Variants in SHPRH observed in about 807,000 individuals in gnomAD.
The protein encoded by SHPRH is SNF2 histone linker PHD RING helicase.
A neutral mutation model predicts 202.5 loss-of-function variants in SHPRH; 106 were observed. That is an observed-to-expected ratio of 0.52 (90% CI 0.45 to 0.62). The LOEUF (loss-of-function observed/expected upper bound fraction) is 0.62, where lower values mean the gene tolerates loss of function less well. SHPRH is among the 20% of genes least tolerant of loss of function. The pLI is 0.00. For synonymous variants in SHPRH, 729 were observed against 686.0 expected, an observed-to-expected ratio of 1.06 and a Z score of -0.98; for missense variants, 1,710 against 2,020.0, an observed-to-expected ratio of 0.85 and a Z score of 2.94.
At chr6:145,924,244 T>A (rs1017805276) in intron 17 of SHPRH, among the ~76,000 whole-genome samples, 14 of 151,650 alleles carry the variant, frequency 9.2e-5, no homozygotes, top group African/African-American at 3.4e-4. Context: ...AATGAATGAA[T>A]TAGAAAGACA....
chr6:145,948,080 A>G (rs993799808), intron 5 of SHPRH, among the ~76,000 whole-genome samples, 192 bp downstream of exon 5: 1 of 152,062 alleles, frequency 6.6e-6, no homozygotes, highest in Non-Finnish European at 1.5e-5. Flanking sequence ...CTATTATTCC[A>G]AATTCATTTA....
intron 1 of SHPRH, among the ~76,000 whole-genome samples, chr6:145,960,689 T>C (rs955971176): frequency 1.3e-5 from 2 of 152,326 alleles, no homozygotes; most frequent in East Asian, 1.9e-4. Context: ...ATGGGGATGA[T>C]AGCAGGATTG....
downstream of SHPRH, among the ~76,000 whole-genome samples, chr6:145,881,836 G>C (rs987604300): frequency 6.6e-6 from 1 of 152,152 alleles, no homozygotes; most frequent in Non-Finnish European, 1.5e-5. Flanking sequence ...GAATTAAAAG[G>C]TGGTTTACTG....
intron 14 of SHPRH, 87 bp downstream of exon 14, chr6:145,932,970 C>CG: frequency 1.4e-6 from 2 of 1,439,766 alleles, no homozygotes; most frequent in Non-Finnish European, 1.9e-6. Context: ...AAAATCCCCC[C>CG]CCCAAAAATC....
chr6:145,870,584 C>G (rs1484209093), intron 2 of SHPRH, among the ~76,000 whole-genome samples: 1 of 151,976 alleles, frequency 6.6e-6, no homozygotes, highest in Non-Finnish European at 1.5e-5. Flanking sequence ...CATACATGAT[C>G]ATGTCATCTG....
chr6:145,915,540 G>T (rs1741295027), intron 23 of SHPRH, among the ~76,000 whole-genome samples: 1 of 151,748 alleles, frequency 6.6e-6, no homozygotes, highest in Admixed American at 6.6e-5. Flanking sequence ...TTAAAAAAAG[G>T]AAATTTTCTT....
At chr6:145,958,934 G>A (rs1788784997) in intron 1 of SHPRH, among the ~76,000 whole-genome samples, 1 of 152,162 alleles carries the variant, frequency 6.6e-6, no homozygotes, top group Non-Finnish European at 1.5e-5. Flanking sequence ...CTGGGTTCAT[G>A]CCATTCTCCT....
Position 145,919,453 on chromosome 6 carries a change from C to T in SHPRH, c.4047G>A (p.Val1349=), listed in dbSNP as rs201453284. 3 of 1,613,096 alleles carry T rather than the reference C, an allele frequency of 1.9e-6. No homozygotes were observed. The highest frequency in any genetic ancestry group is 2.2e-5 in the East Asian group (1 of 44,828). ...HEYWMALRNR[V]SAVDELAMAT... is the part of the protein sequence containing the mutation. ...CCATTGCAAGTTCATCAACAGCAGA[C>T]ACACGATTCCTCAGAGCCATCCAAT... The change falls in exon 22 of 30, where the codon GTG becomes GTA. Residue 1349 remains valine (V), a synonymous_variant. Transcript: ENST00000275233.
At chr6:145,895,109 G>T in intron 25 of SHPRH, 132 bp from the exon 26 acceptor site, 1 of 703,568 alleles carries the variant, frequency 1.4e-6, no homozygotes, top group Non-Finnish European at 2.3e-6. Flanking sequence ...GTGCATATGT[G>T]TTTACTCTTT....
chr6:145,882,966 C>T (rs575234326), downstream of SHPRH, among the ~76,000 whole-genome samples: 13 of 152,150 alleles, frequency 8.5e-5, no homozygotes, highest in African/African-American at 2.9e-4. Context: ...TCCCATAGGT[C>T]GAAAATGTGT....
intron 27 of SHPRH, 126 bp downstream of exon 27, chr6:145,894,024 C>T: frequency 1.8e-6 from 1 of 553,682 alleles, no homozygotes; most frequent in South Asian, 3.4e-5. Flanking sequence ...TATAATTAAT[C>T]AAGAACTCAG....
chr6:145,900,933 G>A (rs1271755005), intron 25 of SHPRH, among the ~76,000 whole-genome samples: 2 of 151,876 alleles, frequency 1.3e-5, no homozygotes, highest in Non-Finnish European at 1.5e-5. Flanking sequence ...AAATGTGGGG[G>A]GCCAACTATA....
chr6:145,938,752 C>A (rs543053557), intron 11 of SHPRH, among the ~76,000 whole-genome samples: 1 of 152,090 alleles, frequency 6.6e-6, no homozygotes, highest in Non-Finnish European at 1.5e-5. Flanking sequence ...TATGGACATA[C>A]AACTAATAAG....
intron 17 of SHPRH, 148 bp from the exon 18 acceptor site, chr6:145,923,933 T>C (rs149796330): frequency 1.5e-6 from 1 of 685,216 alleles, no homozygotes; most frequent in Non-Finnish European, 2.2e-6. Flanking sequence ...CGAGTATACA[T>C]ATTCCATGTA....
intron 28 of SHPRH, among the ~76,000 whole-genome samples, chr6:145,890,753 A>T (rs1450317852): frequency 6.6e-6 from 1 of 152,112 alleles, no homozygotes; most frequent in East Asian, 1.9e-4. Flanking sequence ...TTCCCTTACC[A>T]AATCTGCTCT....
At chr6:145,915,865 A>G (rs1169065197) in intron 23 of SHPRH, among the ~76,000 whole-genome samples, 2 of 151,458 alleles carry the variant, frequency 1.3e-5, no homozygotes, top group African/African-American at 4.9e-5. Context: ...AATCTTTAAG[A>G]TATTTGTCAT....
At chr6:145,950,580 T>TG in intron 3 of SHPRH, 98 bp from the exon 4 acceptor site, 7 of 1,097,078 alleles carry the variant, frequency 6.4e-6, no homozygotes, top group Non-Finnish European at 9.4e-6. Flanking sequence ...TGCCCAACTC[T>TG]GGGGCCTTGC....
At chr6:145,932,895 C>T (rs1459401582) in intron 14 of SHPRH, among the ~76,000 whole-genome samples, 162 bp downstream of exon 14, 1 of 152,010 alleles carries the variant, frequency 6.6e-6, no homozygotes, top group African/African-American at 2.4e-5. Context: ...TATGAAACTG[C>T]TCTATATTAA....
chr6:145,934,827 T>G, intron 13 of SHPRH, 80 bp downstream of exon 13: 1 of 1,363,272 alleles, frequency 7.3e-7, no homozygotes, highest in South Asian at 1.5e-5. Flanking sequence ...CAGTTACATG[T>G]CTCTGAATGA....
Sources: allele counts gnomAD v4.1 joint callset (sites outside exome capture counted in the v4.1 genomes callset), GRCh38; gene constraint gnomAD v4.1.1; transcripts MANE v1.5; gene names NCBI Gene and HGNC (gene_info 2026-07-23, HGNC 2026-07-21).